The following LRRK2 variants were observed in gnomAD, a reference collection of about 807,000 sequenced individuals.
LRRK2 encodes the protein leucine rich repeat kinase 2.
In LRRK2, 203 loss-of-function variants were observed where a neutral mutation model predicts 302.6. That is an observed-to-expected ratio of 0.67 (90% CI 0.60 to 0.75). The LOEUF is 0.75. LRRK2 is among the 30% of genes least tolerant of loss of function. The probability of loss-of-function intolerance (pLI) is 0.00; values close to 1 mark genes in which losing one functional copy is unlikely to be tolerated. For synonymous variants in LRRK2, 1,066 were observed against 1,031.9 expected, an observed-to-expected ratio of 1.03 and a Z score of -0.63; for missense variants, 2,830 against 2,951.0, an observed-to-expected ratio of 0.96 and a Z score of 0.95.
intron 20 of LRRK2, 109 bp downstream of exon 20, chr12:40,287,648 GA>G (rs1163524939): frequency 2.7e-5 from 30 of 1,107,876 alleles, no homozygotes; most frequent in Non-Finnish European, 3.6e-5. Flanking sequence ...AACTTGAGTA[GA>G]AATGTGTTTA....
chr12:40,311,078 T>G (rs1200847186), intron 31 of LRRK2, among the ~76,000 whole-genome samples: 2 of 152,130 alleles, frequency 1.3e-5, no homozygotes, highest in African/African-American at 4.8e-5. Flanking sequence ...GAATTCCTGT[T>G]TTATGGACAT....
chr12:40,293,733 A>G, intron 21 of LRRK2, 70 bp downstream of exon 21: 1 of 1,042,978 alleles, frequency 9.6e-7, no homozygotes, highest in Non-Finnish European at 1.5e-6. Flanking sequence ...ACTAAAATTT[A>G]TGCCAAAGCT....
intron 28 of LRRK2, 116 bp downstream of exon 28, chr12:40,306,082 G>A: frequency 1.3e-6 from 1 of 760,458 alleles, no homozygotes; most frequent in Non-Finnish European, 2.1e-6. Flanking sequence ...GTAATATTTG[G>A]CATTAATATG....
chr12:40,282,351 C>T (rs1943747319), intron 18 of LRRK2, among the ~76,000 whole-genome samples: 1 of 151,830 alleles, frequency 6.6e-6, no homozygotes, highest in Non-Finnish European at 1.5e-5. Flanking sequence ...ATGTAAAGCC[C>T]TTTGCATTCT....
intron 18 of LRRK2, among the ~76,000 whole-genome samples, chr12:40,282,503 C>T (rs928535158): frequency 1.8e-4 from 28 of 152,052 alleles, no homozygotes; most frequent in African/African-American, 6.8e-4. Flanking sequence ...GCCAATTCTT[C>T]AAGAATGAAC....
intron 46 of LRRK2, among the ~76,000 whole-genome samples, chr12:40,356,672 C>T (rs1021495458): frequency 6.6e-6 from 1 of 152,174 alleles, no homozygotes; most frequent in African/African-American, 2.4e-5. Flanking sequence ...CCTACCCGTT[C>T]ATTCTCCTAT....
intron 34 of LRRK2, among the ~76,000 whole-genome samples, 158 bp downstream of exon 34, chr12:40,320,333 A>G (rs1945362386): frequency 6.6e-6 from 1 of 152,114 alleles, no homozygotes; most frequent in South Asian, 2.1e-4. Context: ...TTATTTTGGA[A>G]TAAAACATTG....
intron 36 of LRRK2, 40 bp downstream of exon 36, chr12:40,322,221 A>T (rs757341307): frequency 1.9e-6 from 3 of 1,584,712 alleles, no homozygotes; most frequent in Non-Finnish European, 8.6e-7. Context: ...TGCAACACTA[A>T]AGAAATTTAA....
At chr12:40,275,112 CT>C in intron 16 of LRRK2, 119 bp downstream of exon 16, 1 of 1,113,302 alleles carries the variant, frequency 9.0e-7, no homozygotes, top group Non-Finnish European at 1.4e-6. Context: ...ACCATTTATC[CT>C]TTTGTAGTAT....
intron 44 of LRRK2, among the ~76,000 whole-genome samples, chr12:40,352,271 T>C (rs73107108): frequency 0.11 from 16,569 of 152,092 alleles, 1,250 homozygotes; most frequent in Non-Finnish European, 0.15. Flanking sequence ...CTCTGAACTA[T>C]AGTAGCCAAC....
intron 13 of LRRK2, among the ~76,000 whole-genome samples, chr12:40,260,473 C>T (rs1024978524): frequency 6.6e-6 from 1 of 150,860 alleles, no homozygotes; most frequent in Non-Finnish European, 1.5e-5. Flanking sequence ...TGCACATGGT[C>T]GGGGGTGAGT....
At chr12:40,264,030 A>G (rs749456434) in intron 14 of LRRK2, 129 bp downstream of exon 14, 1 of 672,744 alleles carries the variant, frequency 1.5e-6, no homozygotes, top group South Asian at 1.8e-5. Flanking sequence ...TCATGTGGTT[A>G]GAGACATAAG....
rs144415226 is a variant in LRRK2, at chr12:40,345,622, C to CAAAAA, written c.6110-1112_6110-1108dup. 3.4e-3 allele frequency among the ~76,000 whole-genome samples: 229 copies of CAAAAA among 67,268 alleles called. 1 individual carries two copies. Among genetic ancestry groups the CAAAAA allele is most frequent in the Non-Finnish European group, 3.9e-3 (151 of 38,864 alleles). 44.1% of individuals were successfully genotyped at this position (67,268 alleles called of 152,430 possible). ...TGGGCAAGAGAGTGAGACTCCATCT[C>CAAAAA]AAAAAAAAAAAAAAAAAAAAAAAGA... On this transcript the variant is annotated intron_variant, in intron 41 of 50. Transcript: ENST00000298910.
intron 41 of LRRK2, among the ~76,000 whole-genome samples, chr12:40,340,700 T>C (rs1050437429): frequency 1.3e-5 from 2 of 152,222 alleles, no homozygotes; most frequent in African/African-American, 4.8e-5. Flanking sequence ...TATCAAGTTA[T>C]ATGTTTTAAA....
At chr12:40,244,717 A>G (rs1592151492) in intron 7 of LRRK2, among the ~76,000 whole-genome samples, 1 of 112,434 alleles carries the variant, frequency 8.9e-6, no homozygotes, top group South Asian at 3.1e-4. Flanking sequence ...TGAACATCAC[A>G]CTCTGGGGAC....
intron 28 of LRRK2, among the ~76,000 whole-genome samples, chr12:40,307,668 C>T (rs1344565848): frequency 6.6e-6 from 1 of 151,648 alleles, no homozygotes; most frequent in African/African-American, 2.4e-5. Context: ...CTAATATGAC[C>T]CTATTATCAA....
At chr12:40,350,695 C>T (rs993228595) in intron 43 of LRRK2, among the ~76,000 whole-genome samples, 18 of 151,904 alleles carry the variant, frequency 1.2e-4, no homozygotes, top group Admixed American at 9.2e-4. Flanking sequence ...TTTTCTTCTA[C>T]TTGGTTTACT....
At chr12:40,320,597 T>C (rs1945373569) in intron 34 of LRRK2, among the ~76,000 whole-genome samples, 1 of 152,034 alleles carries the variant, frequency 6.6e-6, no homozygotes, top group Admixed American at 6.6e-5. Flanking sequence ...TTTTAGCCTA[T>C]ACTATGGAAA....
At chr12:40,319,933 T>C in intron 33 of LRRK2, 55 bp from the exon 34 acceptor site, 1 of 1,535,836 alleles carries the variant, frequency 6.5e-7, no homozygotes, top group Non-Finnish European at 8.9e-7. Flanking sequence ...TGCTTTAAAT[T>C]TGCAACATTT....
Sources: gnomAD v4.1 joint callset for allele counts (sites outside exome capture counted in the v4.1 genomes callset) on GRCh38, gnomAD v4.1.1 for gene constraint, MANE v1.5 for transcripts, NCBI Gene and HGNC (gene_info 2026-07-23, HGNC 2026-07-21) for gene names.